Variants in VGLL3 observed in about 807,000 individuals in gnomAD.
The protein encoded by VGLL3 is transcription cofactor vestigial-like protein 3.
VGLL3 carries 18 observed loss-of-function variants against 29.2 expected under a neutral mutation model. That is an observed-to-expected ratio of 0.62 (90% CI 0.43 to 0.91). The LOEUF (loss-of-function observed/expected upper bound fraction) is 0.91. Among genes scored for constraint, VGLL3 ranks in the 40% least tolerant of loss-of-function variants. The pLI is 0.00. For synonymous variants in VGLL3, 180 were observed against 151.8 expected (o/e 1.19, Z -1.36); for missense variants, 440 against 413.2 (o/e 1.06, Z -0.56).
chr3:86,941,302 C>T lies in VGLL3; in HGVS notation c.*5722G>A, dbSNP rs1467315579. On this transcript the variant is annotated 3_prime_UTR_variant, in exon 4 of 4. Coordinates refer to ENST00000398399, the MANE Select transcript of VGLL3 (RefSeq NM_016206.4). Reference sequence around the variant, plus strand: ...TCATTATTAACTTTTGCTCTAGCCACGGCATAGAAAGAAATGTACATCTCT... The same window carrying T: ...TCATTATTAACTTTTGCTCTAGCCATGGCATAGAAAGAAATGTACATCTCT... The T allele has an allele frequency of 1.3e-5, 2 of 152,212 alleles. No individual in the cohort carries two copies. Among genetic ancestry groups the T allele is most frequent in the African/African-American group, 4.8e-5 (2 of 41,340 alleles). 9.4% of individuals were successfully genotyped at this position (152,212 alleles called of 1,614,324 possible).
intron 3 of VGLL3, among the ~76,000 whole-genome samples, chr3:86,959,694 A>G (rs1010152778): frequency 3.3e-5 from 5 of 152,126 alleles, no homozygotes; most frequent in Non-Finnish European, 7.4e-5. Flanking sequence ...TGTAAATGTA[A>G]CTGGGTATTG....
chr3:86,938,889 G>T lies in VGLL3; in HGVS notation c.*8135C>A, dbSNP rs578051881. ...AAGATGCTTGGAGACTTAGGACATC[G>T]CAAGATGGGTCTAAGTTCCCAAAAA... is the stretch of plus-strand genomic sequence containing the variant. On this transcript the variant is annotated 3_prime_UTR_variant, in exon 4 of 4. Coordinates refer to ENST00000398399, the MANE Select transcript of VGLL3 (RefSeq NM_016206.4). The T allele has an allele frequency of 6.6e-6, 1 of 152,174 alleles. No individual in the cohort carries two copies. The highest frequency in any genetic ancestry group is 1.5e-5 in the Non-Finnish European group (1 of 68,024). 9.4% of individuals were successfully genotyped at this position (152,174 alleles called of 1,614,324 possible). A position where few individuals can be genotyped will look rare whatever the true frequency, so the allele number is the denominator to read the frequency against.
chr3:86,962,630 G>A lies in VGLL3; in HGVS notation c.937+5960C>T, dbSNP rs371307311. ...CTTTGAAAAAAATTCAAAAAATATA[G>A]AAATACATAAAATAAAAAGTGAGGT... On this transcript the variant is annotated intron_variant, in intron 3 of 3. Transcript: ENST00000398399. 6.1e-4 allele frequency: 552 copies of A among 910,356 alleles called. 4 individuals are homozygous for A. The African/African-American group carries it at 9.3e-3, about 15-fold the overall frequency. The allele number at this position is 910,356 out of a possible 1,614,324, so 56.4% of individuals were successfully genotyped here. A position where few individuals can be genotyped will look rare whatever the true frequency, so the allele number is the denominator to read the frequency against.
chr3:86,964,619 A>T (rs1271891907), intron 3 of VGLL3, among the ~76,000 whole-genome samples: 1 of 152,200 alleles, frequency 6.6e-6, no homozygotes, highest in Non-Finnish European at 1.5e-5. Context: ...GAATGGCATT[A>T]GTGCCCTTAT....
chr3:86,968,491 T>C, intron 3 of VGLL3, 99 bp downstream of exon 3: 1 of 1,350,404 alleles, frequency 7.4e-7, no homozygotes, highest in Non-Finnish European at 1.0e-6. Flanking sequence ...TGGTAAAGTT[T>C]AACTTTACAG....
chr3:86,986,042 CGTAT>C (rs1705434028), intron 1 of VGLL3, among the ~76,000 whole-genome samples: 1 of 151,154 alleles, frequency 6.6e-6, no homozygotes, highest in Non-Finnish European at 1.5e-5. Flanking sequence ...CACACACACA[CGTAT>C]ACACACACAC....
At chr3:86,977,823 A>ATGAC (rs1173876566) in intron 2 of VGLL3, among the ~76,000 whole-genome samples, 2 of 152,224 alleles carry the variant, frequency 1.3e-5, no homozygotes, top group African/African-American at 4.8e-5. Context: ...TGTCATTGGA[A>ATGAC]TGACGTATTA....
intron 3 of VGLL3, among the ~76,000 whole-genome samples, chr3:86,957,081 G>A (rs1356348512): frequency 6.6e-6 from 1 of 152,044 alleles, no homozygotes; most frequent in Non-Finnish European, 1.5e-5. Flanking sequence ...AGCATAATGG[G>A]ATAGGTTTTT....
chr3:86,972,346 G>C (rs1244538622), intron 2 of VGLL3, among the ~76,000 whole-genome samples: 1 of 152,118 alleles, frequency 6.6e-6, no homozygotes, highest in Non-Finnish European at 1.5e-5. Flanking sequence ...TGTCTCTTGA[G>C]ATGAATATAA....
intron 2 of VGLL3, among the ~76,000 whole-genome samples, chr3:86,976,278 C>A (rs181679917): frequency 6.6e-6 from 1 of 152,306 alleles, no homozygotes; most frequent in East Asian, 1.9e-4. Flanking sequence ...CCCTAGGTAA[C>A]CACATGATGA....
At chr3:86,952,694 T>C (rs898415554) in intron 3 of VGLL3, among the ~76,000 whole-genome samples, 2 of 152,186 alleles carry the variant, frequency 1.3e-5, no homozygotes, top group Admixed American at 1.3e-4. Context: ...GTAACATTTC[T>C]ATATTTAAAA....
At chr3:86,982,615 C>G (rs1705350351) in intron 1 of VGLL3, among the ~76,000 whole-genome samples, 1 of 152,076 alleles carries the variant, frequency 6.6e-6, no homozygotes, top group Non-Finnish European at 1.5e-5. Context: ...TCATCAGAAC[C>G]AAGATTTCCT....
chr3:86,977,072 T>A (rs1034690752), intron 2 of VGLL3, among the ~76,000 whole-genome samples: 5 of 152,210 alleles, frequency 3.3e-5, no homozygotes. Flanking sequence ...TATTTACTAA[T>A]CAAATAACTA....
At position 86,946,881 on chromosome 3, in the gene VGLL3, C is replaced by T. The variant is rs561885723; in HGVS notation, c.*143G>A. 63 of 622,244 alleles carry T rather than the reference C, an allele frequency of 1.0e-4. No homozygotes were observed. The highest frequency in any genetic ancestry group is 1.6e-4 in the Non-Finnish European group (54 of 340,844). The allele number at this position is 622,244 out of a possible 1,614,324, so 38.5% of individuals were successfully genotyped here. On this transcript the variant is annotated 3_prime_UTR_variant, in exon 4 of 4. Coordinates refer to ENST00000398399, the MANE Select transcript of VGLL3 (RefSeq NM_016206.4). ...CCCACTTTGCTTTCTCAAGAAAGGC[C>T]GAAAACCAGTCAACTGCGTGACACT...
intron 3 of VGLL3, chr3:86,962,733 G>A (rs938223723): frequency 1.5e-5 from 10 of 675,558 alleles, no homozygotes; most frequent in Non-Finnish European, 1.8e-5. Flanking sequence ...ATTTGTACAT[G>A]AGGGCTGGAC....
chr3:86,966,255 G>A (rs1425771802), intron 3 of VGLL3, among the ~76,000 whole-genome samples: 3 of 151,960 alleles, frequency 2.0e-5, no homozygotes, highest in South Asian at 2.1e-4. Context: ...AGGTGTCTAC[G>A]GGAATCTTCT....
In VGLL3 at chr3:86,968,876, T is replaced by A; in HGVS notation, c.651A>T (p.Pro217=). 1 of 1,614,076 alleles carries A rather than the reference T, an allele frequency of 6.2e-7. No individual in the cohort carries two copies. The highest frequency in any genetic ancestry group is 8.5e-7 in the Non-Finnish European group (1 of 1,180,028). Residue 217 remains proline (P), a synonymous_variant, in exon 3 of 4, where the codon CCA becomes CCT. Transcript: ENST00000398399. ...WPYPLTSQVS[P]SYSHMHDVYM... ...ACACGTCATGCATATGGCTGTAGGA[T>A]GGGCTCACCTGAGATGTCAAAGGAT...
chr3:86,970,403 A>G (rs886725183), intron 2 of VGLL3, among the ~76,000 whole-genome samples: 14 of 151,802 alleles, frequency 9.2e-5, no homozygotes, highest in African/African-American at 3.4e-4. Flanking sequence ...AAGCTGACAG[A>G]CTGAGTGGGG....
intron 3 of VGLL3, among the ~76,000 whole-genome samples, chr3:86,968,022 A>T (rs1040253674): frequency 2.0e-5 from 3 of 152,180 alleles, no homozygotes; most frequent in African/African-American, 4.8e-5. Flanking sequence ...AAGAGAAAAG[A>T]AGGAAAGGCA....
Sources: allele counts gnomAD v4.1 joint callset (sites outside exome capture counted in the v4.1 genomes callset), GRCh38; gene constraint gnomAD v4.1.1; transcripts MANE v1.5; gene names NCBI Gene and HGNC (gene_info 2026-07-23, HGNC 2026-07-21).